Variants in TSPAN12 observed in about 807,000 individuals in gnomAD.
TSPAN12 encodes the protein tetraspanin-12.
TSPAN12 carries 19 observed loss-of-function variants against 39.2 expected under a neutral mutation model. That is an observed-to-expected ratio of 0.49 (90% CI 0.34 to 0.71). TSPAN12 has a LOEUF of 0.71. Among genes scored for constraint, TSPAN12 ranks in the 30% least tolerant of loss-of-function variants. TSPAN12 has a pLI of 0.01. For synonymous variants in TSPAN12, 119 were observed against 124.8 expected, an observed-to-expected ratio of 0.95 and a Z score of 0.31; for missense variants, 314 against 359.9, an observed-to-expected ratio of 0.87 and a Z score of 1.03.
chr7:120,801,296 CCT>C (rs1793765992), intron 7 of TSPAN12, among the ~76,000 whole-genome samples: 1 of 152,114 alleles, frequency 6.6e-6, no homozygotes, highest in Non-Finnish European at 1.5e-5. Flanking sequence ...AATCACACCC[CCT>C]GTTGTTCCCA....
chr7:120,795,601 T>C (rs920699306), intron 7 of TSPAN12, among the ~76,000 whole-genome samples: 11 of 152,196 alleles, frequency 7.2e-5, no homozygotes, highest in African/African-American at 2.7e-4. Context: ...AAAGTGTAAA[T>C]AAAATCTAGG....
chr7:120,788,212 T>G lies in TSPAN12; in HGVS notation c.*380A>C, dbSNP rs1388872579. 1 of 251,538 alleles carries G rather than the reference T, an allele frequency of 4.0e-6. No individual in the cohort carries two copies. Among genetic ancestry groups the G allele is most frequent in the African/African-American group, 2.3e-5 (1 of 44,046 alleles). 15.6% of individuals were successfully genotyped at this position (251,538 alleles called of 1,614,324 possible). A position where few individuals can be genotyped will look rare whatever the true frequency, so the allele number is the denominator to read the frequency against. On this transcript the variant is annotated 3_prime_UTR_variant, in exon 8 of 8. Transcript: ENST00000222747. ...CTATGTTAGCATTTAATTAGTACTT[T>G]ATATACTAGTTGGTAGAAGTAAATC...
At chr7:120,857,678 CCGGCAGGGCGCGAGGGGAAGCGCCGG>C (rs1449212428) in intron 1 of TSPAN12, 116 bp downstream of exon 1, 1 of 152,184 alleles carries the variant, frequency 6.6e-6, no homozygotes, top group Admixed American at 6.5e-5. Flanking sequence ...CCGCGCGCCC[CCGGCAGGGCGCGAGGGGAAGCGCCGG>C]CGGCAGGGAG....
rs1793880586 is a variant in TSPAN12 at position 120,806,651 on chromosome 7, T to C, written c.510A>G (p.Glu170=). ...CTGGGGGCCAGTCCATCTCTGTCAT[T>C]TCCAACCAGTCAGTGAAATATACTA... The part of the protein sequence containing the change: ...CGVVYFTDWL[E]MTEMDWPPDS... Residue 170 remains glutamate, a synonymous_variant, in exon 7 of 8, where the codon GAA becomes GAG. Coordinates refer to ENST00000222747, the MANE Select transcript of TSPAN12 (RefSeq NM_012338.4). 4 of 1,613,500 alleles carry C rather than the reference T, an allele frequency of 2.5e-6. No homozygotes were observed. Among genetic ancestry groups the C allele is most frequent in the Non-Finnish European group, 2.5e-6 (3 of 1,179,566 alleles).
At chr7:120,825,115 A>C (rs1319886333) in intron 4 of TSPAN12, among the ~76,000 whole-genome samples, 1 of 152,200 alleles carries the variant, frequency 6.6e-6, no homozygotes, top group East Asian at 1.9e-4. Context: ...TTTTACATTA[A>C]AAGAATTGTA....
chr7:120,815,378 CA>C (rs1562943609), intron 5 of TSPAN12, among the ~76,000 whole-genome samples: 2 of 152,108 alleles, frequency 1.3e-5, no homozygotes, highest in Non-Finnish European at 2.9e-5. Flanking sequence ...TATCAAGGGA[CA>C]GACTAGGTGG....
intron 6 of TSPAN12, among the ~76,000 whole-genome samples, chr7:120,809,385 T>G (rs562545056): frequency 6.6e-6 from 1 of 152,294 alleles, no homozygotes; most frequent in South Asian, 2.1e-4. Context: ...CTCTTTGTGT[T>G]GTTTTTAGCA....
At chr7:120,839,124 T>C (rs1485602749) in intron 3 of TSPAN12, among the ~76,000 whole-genome samples, 1 of 152,230 alleles carries the variant, frequency 6.6e-6, no homozygotes, top group Non-Finnish European at 1.5e-5. Flanking sequence ...GTGTTTGTTT[T>C]TTTTAATACA....
At chr7:120,804,754 G>C (rs1388625576) in intron 7 of TSPAN12, among the ~76,000 whole-genome samples, 4 of 152,142 alleles carry the variant, frequency 2.6e-5, no homozygotes, top group African/African-American at 9.7e-5. Context: ...ATGTAACTAA[G>C]ATGAGGTCCG....
intron 4 of TSPAN12, among the ~76,000 whole-genome samples, chr7:120,816,747 C>A (rs906200439): frequency 1.3e-5 from 2 of 152,038 alleles, no homozygotes; most frequent in African/African-American, 4.8e-5. Flanking sequence ...AGGGGAATGA[C>A]ATTATAAACT....
chr7:120,838,942 GA>G (rs1448837694), intron 3 of TSPAN12, 30 bp from the exon 4 acceptor site: 1 of 1,611,116 alleles, frequency 6.2e-7, no homozygotes, highest in East Asian at 2.2e-5. Flanking sequence ...GTATTAGAAA[GA>G]AAATATAATC....
At chr7:120,811,669 CAAA>C (rs1284667493) in intron 5 of TSPAN12, among the ~76,000 whole-genome samples, 2 of 76,446 alleles carry the variant, frequency 2.6e-5, no homozygotes, top group Non-Finnish European at 2.7e-5. Flanking sequence ...GACTCGGTCT[CAAA>C]AAAAAAAAAA....
At chr7:120,834,654 G>T (rs1356553113) in intron 4 of TSPAN12, among the ~76,000 whole-genome samples, 1 of 152,078 alleles carries the variant, frequency 6.6e-6, no homozygotes, top group Non-Finnish European at 1.5e-5. Context: ...TTGAAAAATA[G>T]CTTTCTCACA....
Position 120,796,746 on chromosome 7 carries a change from C to G in TSPAN12, c.613-7849G>C, listed in dbSNP as rs565086108. On this transcript the variant is annotated intron_variant, in intron 7 of 7. Coordinates refer to ENST00000222747, the MANE Select transcript of TSPAN12 (RefSeq NM_012338.4). ...TTTCCTTGTGTGGTCTTATTTCCCT[C>G]CATACCTTCATTGCCTCATGTACAC... Among the ~76,000 whole-genome samples, 25 of 152,300 alleles carry G rather than the reference C, an allele frequency of 1.6e-4. No individual in the cohort carries two copies. The South Asian group carries it at 2.5e-3, about 15-fold the overall frequency.
intron 7 of TSPAN12, among the ~76,000 whole-genome samples, chr7:120,794,256 TG>T (rs768810148): frequency 3.3e-5 from 5 of 152,250 alleles, no homozygotes; most frequent in African/African-American, 4.8e-5. Flanking sequence ...GTTTCTTTGC[TG>T]ACTCATTAGG....
chr7:120,810,615 G>T, intron 5 of TSPAN12, 45 bp from the exon 6 acceptor site: 1 of 914,944 alleles, frequency 1.1e-6, no homozygotes, highest in South Asian at 1.3e-5. Flanking sequence ...CTCACACACA[G>T]ACACAGATTC....
chr7:120,840,662 T>C (rs934082598), intron 2 of TSPAN12, among the ~76,000 whole-genome samples: 1 of 152,224 alleles, frequency 6.6e-6, no homozygotes, highest in Non-Finnish European at 1.5e-5. Context: ...AAACTCATAA[T>C]GAACAAAATT....
chr7:120,835,405 C>T (rs146340439), intron 4 of TSPAN12, among the ~76,000 whole-genome samples: 47 of 152,210 alleles, frequency 3.1e-4, no homozygotes, highest in African/African-American at 1.1e-3. Flanking sequence ...ATGTTTTATA[C>T]ATTACAGGAC....
chr7:120,797,152 A>G (rs575578087), intron 7 of TSPAN12, among the ~76,000 whole-genome samples: 28 of 152,272 alleles, frequency 1.8e-4, no homozygotes, highest in African/African-American at 6.3e-4. Flanking sequence ...GCCAGATTTC[A>G]TCTCAAAAAA....
Sources: gnomAD v4.1 joint callset for allele counts (sites outside exome capture counted in the v4.1 genomes callset) on GRCh38, gnomAD v4.1.1 for gene constraint, MANE v1.5 for transcripts, NCBI Gene and HGNC (gene_info 2026-07-23, HGNC 2026-07-21) for gene names.